Variants in FAM20A observed in about 807,000 individuals in gnomAD.
FAM20A encodes pseudokinase FAM20A.
A neutral mutation model predicts 52.0 loss-of-function variants in FAM20A; 42 were observed. The ratio of observed to expected loss-of-function variants is 0.81; its 90% CI spans 0.63 to 1.04. FAM20A has a LOEUF of 1.04. FAM20A is among the 50% of genes least tolerant of loss of function. The pLI, the probability that FAM20A is intolerant of heterozygous loss-of-function variation, is 0.00. For missense variants in FAM20A, 742 were observed against 712.7 expected, an observed-to-expected ratio of 1.04 and a Z score of -0.47; for synonymous variants, 304 against 298.9, an observed-to-expected ratio of 1.02 and a Z score of -0.18.
intron 1 of FAM20A, among the ~76,000 whole-genome samples, chr17:68,592,768 C>T (rs934952065): frequency 1.3e-5 from 2 of 152,220 alleles, no homozygotes; most frequent in Non-Finnish European, 2.9e-5. Flanking sequence ...AATTTTATTA[C>T]AGGCTCTTGG....
intron 2 of FAM20A, 69 bp from the exon 3 acceptor site, chr17:68,554,896 C>T (rs1371628220): frequency 1.3e-6 from 2 of 1,519,204 alleles, no homozygotes; most frequent in Non-Finnish European, 1.8e-6. Context: ...ACATGGAGGT[C>T]CCTTGACTCT....
In FAM20A at chr17:68,536,305, T is replaced by C. The variant is rs1198735140; in HGVS notation, c.*1172A>G. On this transcript the variant is annotated 3_prime_UTR_variant, in exon 11 of 11. Transcript: ENST00000592554. ...AAGTTGATTTGATGAAATGAGGCAT[T>C]TTTACTTTTGTTGACTGACTAGTCA... 2.2e-6 allele frequency: 1 copy of C among 454,076 alleles called. No individual in the cohort carries two copies. Among genetic ancestry groups the C allele is most frequent in the Admixed American group, 2.3e-5 (1 of 42,570 alleles). The allele number at this position is 454,076 out of a possible 1,614,324, so 28.1% of individuals were successfully genotyped here. A position where few individuals can be genotyped will look rare whatever the true frequency, so the allele number is the denominator to read the frequency against.
intron 1 of FAM20A, among the ~76,000 whole-genome samples, chr17:68,585,957 A>AG (rs1568779659): frequency 6.6e-6 from 1 of 152,242 alleles, no homozygotes; most frequent in Non-Finnish European, 1.5e-5. Context: ...CTGCCTAGTC[A>AG]CTACCAGGAA....
chr17:68,546,325 A>G (rs1210003548), intron 4 of FAM20A, among the ~76,000 whole-genome samples: 1 of 151,658 alleles, frequency 6.6e-6, no homozygotes, highest in Non-Finnish European at 1.5e-5. Context: ...GAAGTCTTGA[A>G]CCCCTCAAAG....
intron 1 of FAM20A, among the ~76,000 whole-genome samples, chr17:68,577,311 G>A (rs2087800864): frequency 6.6e-6 from 1 of 152,250 alleles, no homozygotes; most frequent in African/African-American, 2.4e-5. Context: ...AAATATTAAA[G>A]CTGGACTGCG....
intron 1 of FAM20A, among the ~76,000 whole-genome samples, chr17:68,561,904 C>T (rs1478707326): frequency 6.6e-6 from 1 of 152,096 alleles, no homozygotes; most frequent in Non-Finnish European, 1.5e-5. Context: ...CTCACTGCAA[C>T]CCCTGCCTCC....
rs2088582558 is a variant in FAM20A, at chr17:68,600,345, G to T, written c.322C>A (p.Pro108Thr). The T allele has an allele frequency of 2.5e-6, 4 of 1,599,346 alleles. No individual in the cohort carries two copies. In the African/African-American group the frequency reaches 4.0e-5, roughly 16 times the overall value. Residue 108 changes from proline (P) to threonine (T), a missense_variant, in exon 1 of 11, where the codon CCT becomes ACT. Coordinates refer to ENST00000592554, the MANE Select transcript of FAM20A (RefSeq NM_017565.4). The surrounding 1 kb of genome is among the most constrained non-coding windows in gnomAD (Gnocchi z 6.2). The stretch of plus-strand genomic sequence containing the variant: ...AGCGAGTCCTCGGCTCCCAGGAGAG[G>T]CGGCTCCTCCGGGACGTTGTACAGC... ...HPLYNVPEEPPLLGAEDSLLA... is the reference protein window; with the variant it reads ...HPLYNVPEEPTLLGAEDSLLA...
At chr17:68,555,885 G>A (rs2087037832) in intron 1 of FAM20A, 142 bp from the exon 2 acceptor site, 2 of 1,039,952 alleles carry the variant, frequency 1.9e-6, no homozygotes, top group East Asian at 2.6e-5. Flanking sequence ...TTTAAGCTGT[G>A]CTTAGGATAT....
chr17:68,551,935 C>G lies in FAM20A; in HGVS notation c.657G>C (p.Gly219=). 6.3e-7 allele frequency: 1 copy of G among 1,588,242 alleles called. No homozygotes were observed. Among genetic ancestry groups the G allele is most frequent in the Non-Finnish European group, 8.6e-7 (1 of 1,165,412 alleles). Residue 219 remains glycine (G), a synonymous_variant, in exon 4 of 11, where the codon GGG becomes GGC. Coordinates refer to ENST00000592554, the MANE Select transcript of FAM20A (RefSeq NM_017565.4). ...CDCTQIVKPS[G]VHLKLVLRFS... ...ACCTCAGCACCAGCTTGAGGTGGAC[C>G]CCACTGGGTTTCACAACTGTGAAAG... is the stretch of plus-strand genomic sequence containing the variant.
Position 68,537,107 on chromosome 17 carries a change from C to T in FAM20A, c.*370G>A, listed in dbSNP as rs372549540. ...TTTGACTTGTAGCTAGAATAAGGAT[C>T]CTGAGAAGTCAGGTATCCACTTGAT... On this transcript the variant is annotated 3_prime_UTR_variant, in exon 11 of 11. Coordinates refer to ENST00000592554, the MANE Select transcript of FAM20A (RefSeq NM_017565.4). The surrounding 1 kb of genome is among the most constrained non-coding windows in gnomAD (Gnocchi z 4.2). 2.0e-3 allele frequency: 923 copies of T among 470,710 alleles called. 2 individuals carry two copies. The highest frequency in any genetic ancestry group is 3.3e-3 in the Middle Eastern group (5 of 1,512). 29.2% of individuals were successfully genotyped at this position (470,710 alleles called of 1,614,324 possible).
chr17:68,560,184 G>A (rs967452053), intron 1 of FAM20A, among the ~76,000 whole-genome samples: 4 of 151,826 alleles, frequency 2.6e-5, no homozygotes, highest in African/African-American at 7.3e-5. Context: ...CACCCGCCTC[G>A]GCCTGCCAAA....
chr17:68,543,772 C>T, intron 4 of FAM20A, 51 bp from the exon 5 acceptor site: 1 of 1,498,206 alleles, frequency 6.7e-7, no homozygotes, highest in African/African-American at 1.4e-5. Context: ...AGCTGGGAGC[C>T]TGAGAAGAGA....
chr17:68,540,029 G>A, intron 8 of FAM20A, 63 bp from the exon 9 acceptor site: 3 of 1,443,472 alleles, frequency 2.1e-6, no homozygotes, highest in Non-Finnish European at 2.9e-6. Flanking sequence ...CTCCTGACCT[G>A]AGTTCTCTCC....
In FAM20A at chr17:68,537,815, AAACAGCTGTT is replaced by A. The variant is rs2086139805; in HGVS notation, c.1362-84_1362-75del. ...AACTTGCCTGAACTTCTTTCCCCAC[AAACAGCTGTT>A]GTAGCTGATACTCTTGGCGCCTCTC... On this transcript the variant is annotated intron_variant, in intron 10 of 10. Coordinates refer to ENST00000592554, the MANE Select transcript of FAM20A (RefSeq NM_017565.4). This position sits in a 1 kb window ranked among gnomAD's most constrained non-coding sequence, Gnocchi z 4.2. The A allele has an allele frequency of 6.6e-7, 1 of 1,506,414 alleles. No individual in the cohort carries two copies. Among genetic ancestry groups the A allele is most frequent in the African/African-American group, 1.4e-5 (1 of 72,232 alleles). The allele number at this position is 1,506,414 out of a possible 1,614,324, so 93.3% of individuals were successfully genotyped here.
intron 1 of FAM20A, among the ~76,000 whole-genome samples, chr17:68,573,217 C>T (rs758155211): frequency 1.3e-5 from 2 of 152,204 alleles, no homozygotes; most frequent in Non-Finnish European, 2.9e-5. Context: ...CTGCCACTCA[C>T]AGCTGTGTGA....
At chr17:68,588,152 A>G (rs2088210283) in intron 1 of FAM20A, among the ~76,000 whole-genome samples, 1 of 151,560 alleles carries the variant, frequency 6.6e-6, no homozygotes, top group South Asian at 2.1e-4. Flanking sequence ...GGCCCAGAAG[A>G]AGGGGAGCTC....
At chr17:68,594,868 C>A (rs545069163) in intron 1 of FAM20A, among the ~76,000 whole-genome samples, 23 of 152,306 alleles carry the variant, frequency 1.5e-4, no homozygotes, top group African/African-American at 5.5e-4. Context: ...TGGATTAGGT[C>A]ACGCTAACCA....
chr17:68,598,003 G>GTTTTTTTTTT (rs145406524), intron 1 of FAM20A: 2 of 126,254 alleles, frequency 1.6e-5, no homozygotes, highest in East Asian at 2.2e-4. Flanking sequence ...CTTCTGTATG[G>GTTTTTTTTTT]TTTTTTTTTT....
intron 7 of FAM20A, chr17:68,541,459 G>C (rs1324279280): frequency 5.2e-6 from 1 of 191,138 alleles, no homozygotes; most frequent in African/African-American, 2.3e-5. Context: ...AATTCTGCCT[G>C]GTTACTTCTT....
Sources: gnomAD v4.1 joint callset for allele counts (sites outside exome capture counted in the v4.1 genomes callset) on GRCh38, gnomAD v4.1.1 for gene constraint, Gnocchi (gnomAD v3.1) non-coding constraint, MANE v1.5 for transcripts, NCBI Gene and HGNC (gene_info 2026-07-23, HGNC 2026-07-21) for gene names.